SEPTIN2: variants seen among roughly 807,000 people sequenced by gnomAD.
The protein encoded by SEPTIN2 is septin 2.
In SEPTIN2, 34 loss-of-function variants were observed where a neutral mutation model predicts 46.5. The observed-to-expected ratio is 0.73, with a 90% CI of 0.56 to 0.97. The LOEUF (loss-of-function observed/expected upper bound fraction) is 0.97. Ranked by LOEUF, SEPTIN2 falls within the 50% of genes least tolerant of loss-of-function variation. The probability of loss-of-function intolerance (pLI) is 0.00; values close to 1 mark genes in which losing one functional copy is unlikely to be tolerated. For synonymous variants in SEPTIN2, 175 were observed against 153.4 expected, an observed-to-expected ratio of 1.14 and a Z score of -1.04; for missense variants, 347 against 448.4, an observed-to-expected ratio of 0.77 and a Z score of 2.04.
intron 1 of SEPTIN2, among the ~76,000 whole-genome samples, chr2:241,319,168 T>C (rs920641403): frequency 2.6e-5 from 4 of 152,228 alleles, no homozygotes; most frequent in African/African-American, 9.6e-5. Flanking sequence ...AATGAGAGAA[T>C]AGAGAATATG....
chr2:241,323,132 C>T (rs1285199486), intron 1 of SEPTIN2, among the ~76,000 whole-genome samples: 1 of 151,114 alleles, frequency 6.6e-6, no homozygotes, highest in Admixed American at 6.6e-5. Flanking sequence ...TCCCAAACTG[C>T]TGGGATTACA....
intron 1 of SEPTIN2, chr2:241,317,724 A>G (rs1239497488): frequency 2.2e-5 from 4 of 182,242 alleles, no homozygotes; most frequent in Non-Finnish European, 4.2e-5. Context: ...CAAAGAATCC[A>G]GATGCTTTGA....
rs1164671772 is a variant in SEPTIN2, at chr2:241,336,061, A to G, written c.304A>G (p.Thr102Ala). ...CAAGCTACGCCTGACAGTGGTAGAT[A>G]CCCCTGGCTATGGTGACGCTATCAA... Reference protein sequence around the residue: ...GVKLRLTVVDTPGYGDAINCR... With the variant: ...GVKLRLTVVDAPGYGDAINCR... Residue 102 changes from threonine (T) to alanine (A), a missense_variant, in exon 5 of 13, where the codon ACC becomes GCC. By Grantham distance (58) the Thr-to-Ala change is moderately conservative. Coordinates refer to ENST00000391971, the MANE Select transcript of SEPTIN2 (RefSeq NM_004404.5). 5 of 1,614,062 alleles carry G rather than the reference A, an allele frequency of 3.1e-6. No homozygotes were observed. The highest frequency in any genetic ancestry group is 2.2e-5 in the East Asian group (1 of 44,894).
chr2:241,338,872 T>A (rs1254461283), intron 7 of SEPTIN2, among the ~76,000 whole-genome samples: 1 of 52,480 alleles, frequency 1.9e-5, no homozygotes, highest in African/African-American at 7.2e-5. Flanking sequence ...ATATATATAT[T>A]TAATATATCT....
In SEPTIN2 at chr2:241,337,513, A is replaced by G; in HGVS notation, c.473A>G (p.His158Arg). Residue 158 changes from histidine to arginine, a missense_variant, in exon 6 of 13, where the codon CAT (histidine) becomes CGT (arginine). Coordinates refer to ENST00000391971, the MANE Select transcript of SEPTIN2 (RefSeq NM_004404.5). ...TTTTACTTTATTTCACCTTTTGGAC[A>G]TGGGTAAGTAATTGTTTATCGTGGA... ...CCFYFISPFGHGLKPLDVAFM... is the reference protein window; with the variant it reads ...CCFYFISPFGRGLKPLDVAFM... The G allele has an allele frequency of 6.2e-7, 1 of 1,613,738 alleles. No homozygotes were observed. The highest frequency in any genetic ancestry group is 8.5e-7 in the Non-Finnish European group (1 of 1,179,784).
chr2:241,317,588 A>C, intron 1 of SEPTIN2: 1 of 981,972 alleles, frequency 1.0e-6, no homozygotes, highest in Non-Finnish European at 1.2e-6. Flanking sequence ...CTCATTTGGC[A>C]GCAGAGGTGA....
At chr2:241,329,904 A>C (rs1219365783) in intron 3 of SEPTIN2, among the ~76,000 whole-genome samples, 1 of 152,252 alleles carries the variant, frequency 6.6e-6, no homozygotes. Context: ...GGACCAGCAT[A>C]AGCATGCCAG....
intron 2 of SEPTIN2, chr2:241,325,259 G>A (rs1213315171): frequency 6.6e-6 from 1 of 151,866 alleles, no homozygotes; most frequent in Non-Finnish European, 1.5e-5. Context: ...CTCATTTTCA[G>A]TATGCCACTG....
At chr2:241,317,458 C>T in intron 1 of SEPTIN2, 1 of 812,074 alleles carries the variant, frequency 1.2e-6, no homozygotes, top group Non-Finnish European at 1.5e-6. Flanking sequence ...CTCTATCATT[C>T]ATAAATGTAA....
chr2:241,344,085 C>T (rs2081640926), intron 9 of SEPTIN2, among the ~76,000 whole-genome samples, 188 bp downstream of exon 9: 1 of 152,188 alleles, frequency 6.6e-6, no homozygotes, highest in Non-Finnish European at 1.5e-5. Context: ...CCCAGGGGCC[C>T]TCTGTGGCAC....
intron 10 of SEPTIN2, chr2:241,346,504 T>C (rs2060246895): frequency 9.0e-6 from 2 of 222,596 alleles, no homozygotes; most frequent in Non-Finnish European, 1.8e-5. Flanking sequence ...TCCCAGCACC[T>C]TGGGAGACCA....
intron 1 of SEPTIN2, among the ~76,000 whole-genome samples, chr2:241,319,583 T>G (rs902034849): frequency 1.3e-5 from 2 of 152,232 alleles, no homozygotes; most frequent in Non-Finnish European, 1.5e-5. Flanking sequence ...TGAATTAGAT[T>G]TAAGCAGTTT....
In SEPTIN2 at chr2:241,350,090, G is replaced by A. The variant is rs1433208182; in HGVS notation, c.1002G>A (p.Glu334=). The change falls in exon 12 of 13, where the codon GAG becomes GAA. Residue 334 remains glutamate (E), a synonymous_variant. Transcript: ENST00000391971. ...GTTCACAGCTCCGCCGCATGCAAGA[G>A]ATGATTGCAAGGATGCAGGCGCAGA... ...EKEAELRRMQ[E]MIARMQAQMQ... The A allele has an allele frequency of 2.5e-6, 4 of 1,614,020 alleles. No individual in the cohort carries two copies. Among genetic ancestry groups the A allele is most frequent in the African/African-American group, 1.3e-5 (1 of 74,934 alleles).
chr2:241,342,950 C>T (rs190881564), intron 7 of SEPTIN2, 42 bp from the exon 8 acceptor site: 26 of 1,044,566 alleles, frequency 2.5e-5, no homozygotes, highest in Admixed American at 1.6e-4. Flanking sequence ...CAATAACATA[C>T]GCAGTTTGCT....
chr2:241,329,519 A>G (rs2078628422), intron 3 of SEPTIN2, among the ~76,000 whole-genome samples: 1 of 152,208 alleles, frequency 6.6e-6, no homozygotes, highest in Non-Finnish European at 1.5e-5. Context: ...AGACTAATAT[A>G]TGTTAGAAAT....
intron 3 of SEPTIN2, among the ~76,000 whole-genome samples, chr2:241,327,928 C>T (rs10451597): frequency 1.1e-3 from 164 of 152,150 alleles, no homozygotes; most frequent in African/African-American, 3.7e-3. Flanking sequence ...TGGGGGATGC[C>T]GGTAGTCACA....
chr2:241,347,367 TAAG>T (rs557097013), intron 10 of SEPTIN2, among the ~76,000 whole-genome samples: 36 of 152,288 alleles, frequency 2.4e-4, no homozygotes, highest in African/African-American at 6.7e-4. Flanking sequence ...AATGAGACAT[TAAG>T]AAAGATTTTA....
At chr2:241,338,951 A>T (rs1411705527) in intron 7 of SEPTIN2, among the ~76,000 whole-genome samples, 15 of 101,034 alleles carry the variant, frequency 1.5e-4, no homozygotes, top group African/African-American at 5.1e-4. Context: ...TATATTATAT[A>T]TATAATATAT....
At chr2:241,351,157 A>G (rs906347694) in intron 12 of SEPTIN2, among the ~76,000 whole-genome samples, 3 of 152,168 alleles carry the variant, frequency 2.0e-5, no homozygotes, top group African/African-American at 7.2e-5. Flanking sequence ...TGAGCCTTCA[A>G]CGACATACGG....
Sources: gnomAD v4.1 joint callset for allele counts (sites outside exome capture counted in the v4.1 genomes callset) on GRCh38, gnomAD v4.1.1 for gene constraint, MANE v1.5 for transcripts, NCBI Gene and HGNC (gene_info 2026-07-23, HGNC 2026-07-21) for gene names.